The following ARHGAP44 variants were observed in gnomAD, a reference collection of about 807,000 sequenced individuals.
ARHGAP44 encodes rho GTPase-activating protein 44.
ARHGAP44 carries 43 observed loss-of-function variants against 106.8 expected under a neutral mutation model. The ratio of observed to expected loss-of-function variants is 0.40; its 90% confidence interval spans 0.32 to 0.52. The LOEUF is 0.52. ARHGAP44 is among the 20% of genes least tolerant of loss of function. The pLI is 0.48. For missense variants in ARHGAP44, 866 were observed against 1,050.5 expected (o/e 0.82, Z 2.43); for synonymous variants, 439 against 410.3 (o/e 1.07, Z -0.85).
chr17:12,849,123 C>T (rs1451982249), intron 1 of ARHGAP44, among the ~76,000 whole-genome samples: 3 of 151,640 alleles, frequency 2.0e-5, no homozygotes, highest in Admixed American at 6.6e-5. Context: ...AATTTCTAGT[C>T]GCAGAGACCA....
rs183923176 is a variant in ARHGAP44 at position 12,960,163 on chromosome 17, C to T, written c.1523+1266C>T. ...GTGGCAGATGGGAGTTGTTTGTGTG[C>T]GCTATGCTGGTGTTTATTGTTCTCC... On this transcript the variant is annotated intron_variant, in intron 16 of 20. Transcript: ENST00000379672. Among the ~76,000 whole-genome samples the T allele has an allele frequency of 2.6e-5, 4 of 151,818 alleles. No individual in the cohort carries two copies. The East Asian group carries it at 7.8e-4, about 29-fold the overall frequency.
intron 1 of ARHGAP44, among the ~76,000 whole-genome samples, chr17:12,875,465 G>A (rs1371531720): frequency 6.6e-6 from 1 of 152,008 alleles, no homozygotes; most frequent in East Asian, 1.9e-4. Context: ...GTGGTGGTAC[G>A]TGCCTGTAGT....
intron 6 of ARHGAP44, among the ~76,000 whole-genome samples, chr17:12,926,449 AAT>A (rs917826132): frequency 3.2e-4 from 39 of 120,310 alleles, no homozygotes; most frequent in African/African-American, 1.0e-3. Context: ...GTATATACAT[AAT>A]ATATATACAT....
chr17:12,891,207 A>G (rs1198290445), intron 1 of ARHGAP44, among the ~76,000 whole-genome samples: 1 of 152,194 alleles, frequency 6.6e-6, no homozygotes, highest in Non-Finnish European at 1.5e-5. Context: ...AGACTCGTCT[A>G]GTCTCCACTA....
intron 12 of ARHGAP44, among the ~76,000 whole-genome samples, chr17:12,950,859 A>C (rs1034116805): frequency 6.6e-6 from 1 of 152,188 alleles, no homozygotes; most frequent in African/African-American, 2.4e-5. Context: ...GTTTCTCAAC[A>C]ACACCATGAG....
chr17:12,976,319 A>T (rs1015950155), intron 18 of ARHGAP44, among the ~76,000 whole-genome samples: 2 of 152,040 alleles, frequency 1.3e-5, no homozygotes, highest in Non-Finnish European at 2.9e-5. Flanking sequence ...AATGAGTAAA[A>T]AGTATTTTCA....
At chr17:12,842,925 G>A (rs2035458432) in intron 1 of ARHGAP44, among the ~76,000 whole-genome samples, 1 of 152,140 alleles carries the variant, frequency 6.6e-6, no homozygotes, top group South Asian at 2.1e-4. Context: ...GGTCACTCCT[G>A]TCACCTCTAG....
intron 1 of ARHGAP44, among the ~76,000 whole-genome samples, chr17:12,879,171 T>C (rs922842917): frequency 6.6e-6 from 1 of 152,204 alleles, no homozygotes; most frequent in African/African-American, 2.4e-5. Context: ...GTCCTTCTTA[T>C]GCCTTTGCAT....
rs545804542 is a variant in ARHGAP44 at position 12,841,594 on chromosome 17, TCACACA to T, written c.53+51744_53+51749del. On this transcript the variant is annotated intron_variant, in intron 1 of 20. Coordinates refer to ENST00000379672, the MANE Select transcript of ARHGAP44 (RefSeq NM_014859.6). ...GAGACCCTGTCTCTCTGTCTCTCTC[TCACACA>T]CACACACACACACACACACACACAC... is the stretch of plus-strand genomic sequence containing the variant. Among the ~76,000 whole-genome samples the T allele has an allele frequency of 2.2e-3, 274 of 126,578 alleles. 1 individual carries two copies. The highest frequency in any genetic ancestry group is 7.6e-3 in the Middle Eastern group (2 of 264). 83.0% of individuals were successfully genotyped at this position (126,578 alleles called of 152,430 possible).
chr17:12,854,929 G>C lies in ARHGAP44; in HGVS notation c.54-40011G>C, dbSNP rs952943901. Among the ~76,000 whole-genome samples the C allele has an allele frequency of 1.5e-3, 198 of 133,416 alleles. 1 individual carries two copies. The highest frequency in any genetic ancestry group is 5.5e-3 in the African/African-American group (191 of 34,486). The allele number at this position is 133,416 out of a possible 152,430, so 87.5% of individuals were successfully genotyped here. A position where few individuals can be genotyped will look rare whatever the true frequency, so the allele number is the denominator to read the frequency against. Reference sequence around the variant, plus strand: ...GCCGAGATCATGCCATTGTACTCCAGCCTGGGCAACAAGAGCAAAACTCTG... The same window carrying C: ...GCCGAGATCATGCCATTGTACTCCACCCTGGGCAACAAGAGCAAAACTCTG... On this transcript the variant is annotated intron_variant, in intron 1 of 20. Coordinates refer to ENST00000379672, the MANE Select transcript of ARHGAP44 (RefSeq NM_014859.6).
intron 19 of ARHGAP44, 170 bp from the exon 20 acceptor site, chr17:12,984,361 T>G (rs982019969): frequency 5.6e-6 from 3 of 534,510 alleles, no homozygotes; most frequent in Non-Finnish European, 8.9e-6. Flanking sequence ...TTGTATTGGC[T>G]GCTGTCAATG....
At chr17:12,947,837 C>G (rs923659200) in intron 10 of ARHGAP44, among the ~76,000 whole-genome samples, 2 of 152,176 alleles carry the variant, frequency 1.3e-5, no homozygotes, top group African/African-American at 4.8e-5. Context: ...ATACACTCAT[C>G]CAAACATGTT....
chr17:12,885,307 T>C (rs1006472706), intron 1 of ARHGAP44, among the ~76,000 whole-genome samples: 1 of 150,754 alleles, frequency 6.6e-6, no homozygotes, highest in African/African-American at 2.5e-5. Context: ...TAAAGCTCTA[T>C]GGACATTCAC....
chr17:12,899,579 G>T lies in ARHGAP44; in HGVS notation c.198+3068G>T, dbSNP rs542476852. Among the ~76,000 whole-genome samples the T allele has an allele frequency of 5.2e-4, 59 of 114,374 alleles. 1 individual carries two copies. Among genetic ancestry groups the T allele is most frequent in the African/African-American group, 1.9e-3 (59 of 30,908 alleles). 75.0% of individuals were successfully genotyped at this position (114,374 alleles called of 152,430 possible). A position where few individuals can be genotyped will look rare whatever the true frequency, so the allele number is the denominator to read the frequency against. ...TCGGAGCAATGGGTGAAAAGGAAAAGAAATAAAATGAAAAGGATCAGGTAA... is the reference window on the plus strand; with the variant it reads ...TCGGAGCAATGGGTGAAAAGGAAAATAAATAAAATGAAAAGGATCAGGTAA... On this transcript the variant is annotated intron_variant, in intron 3 of 20. Coordinates refer to ENST00000379672, the MANE Select transcript of ARHGAP44 (RefSeq NM_014859.6).
At chr17:12,854,323 T>C (rs995578762) in intron 1 of ARHGAP44, among the ~76,000 whole-genome samples, 1 of 152,104 alleles carries the variant, frequency 6.6e-6, no homozygotes, top group Non-Finnish European at 1.5e-5. Context: ...GGTCTTTTTT[T>C]CCCCAAAGCG....
rs765822416 is a variant in ARHGAP44 at position 12,958,760 on chromosome 17, C to G, written c.1386C>G (p.His462Gln). 3.7e-6 allele frequency: 6 copies of G among 1,613,926 alleles called. No individual in the cohort carries two copies. The highest frequency in any genetic ancestry group is 5.1e-6 in the Non-Finnish European group (6 of 1,179,872). ...NITGNYGSPV[H>Q]VNHNANYSSM... ...CTGGCAATTATGGGAGTCCAGTACACGTGAACCATAATGCCAACTACAGCT... is the reference window on the plus strand; with the variant it reads ...CTGGCAATTATGGGAGTCCAGTACAGGTGAACCATAATGCCAACTACAGCT... The change falls in exon 16 of 21, where the codon CAC becomes CAG. Residue 462 changes from histidine (H) to glutamine (Q), a missense_variant. Physicochemically the swap from His to Gln is conservative, Grantham distance 24. Coordinates refer to ENST00000379672, the MANE Select transcript of ARHGAP44 (RefSeq NM_014859.6). The surrounding 1 kb of genome is among the most constrained non-coding windows in gnomAD (Gnocchi z 4.1).
chr17:12,956,849 T>G, intron 15 of ARHGAP44, 103 bp downstream of exon 15: 1 of 877,040 alleles, frequency 1.1e-6, no homozygotes. Context: ...CAGGCTTTTT[T>G]TTTTGATTCC....
chr17:12,904,651 T>C (rs968342339), intron 3 of ARHGAP44, among the ~76,000 whole-genome samples: 2 of 152,202 alleles, frequency 1.3e-5, no homozygotes, highest in African/African-American at 4.8e-5. Context: ...ATATGAAAGG[T>C]ATCTATCTCT....
rs183968290 is a variant in ARHGAP44, at chr17:12,987,572, C to T, written c.2318-2460C>T. 771 of 156,824 alleles carry T rather than the reference C, an allele frequency of 4.9e-3. 3 individuals are homozygous for T. Among genetic ancestry groups the T allele is most frequent in the South Asian group, 0.02 (100 of 5,086 alleles). 9.7% of individuals were successfully genotyped at this position (156,824 alleles called of 1,614,324 possible). ...ACCTGCTCACCTTTGTTTAGGAAGGCGTCCTGAGGGGAGGTCATACCAGGT... is the reference window on the plus strand; with the variant it reads ...ACCTGCTCACCTTTGTTTAGGAAGGTGTCCTGAGGGGAGGTCATACCAGGT... On this transcript the variant is annotated intron_variant, in intron 20 of 20. Coordinates refer to ENST00000379672, the MANE Select transcript of ARHGAP44 (RefSeq NM_014859.6).
Sources: gnomAD v4.1 joint callset for allele counts (sites outside exome capture counted in the v4.1 genomes callset) on GRCh38, gnomAD v4.1.1 for gene constraint, Gnocchi (gnomAD v3.1) non-coding constraint, MANE v1.5 for transcripts, NCBI Gene and HGNC (gene_info 2026-07-23, HGNC 2026-07-21) for gene names.